ARSJ: variants seen among roughly 807,000 people sequenced by gnomAD.
The protein encoded by ARSJ is arylsulfatase family member J, also known as arylsulfatase J.
ARSJ carries 26 observed loss-of-function variants against 35.9 expected under a neutral mutation model. The ratio of observed to expected loss-of-function variants is 0.72; its 90% CI spans 0.53 to 1.00. ARSJ has a LOEUF of 1.00. Ranked by LOEUF, ARSJ falls within the 50% of genes least tolerant of loss-of-function variation. The probability of loss-of-function intolerance (pLI) is 0.00; values close to 1 mark genes in which losing one functional copy is unlikely to be tolerated. For missense variants in ARSJ, 667 were observed against 723.6 expected (o/e 0.92, Z 0.90); for synonymous variants, 294 against 267.6 (o/e 1.10, Z -0.96).
chr4:113,945,421 A>G (rs1725414803), intron 1 of ARSJ, among the ~76,000 whole-genome samples: 2 of 152,134 alleles, frequency 1.3e-5, no homozygotes, highest in African/African-American at 4.8e-5. Flanking sequence ...TACAAGTGAG[A>G]GCCACCATAC....
intron 1 of ARSJ, among the ~76,000 whole-genome samples, chr4:113,942,638 A>G (rs1725228784): frequency 6.6e-6 from 1 of 152,072 alleles, no homozygotes; most frequent in South Asian, 2.1e-4. Flanking sequence ...AATGTTCTTC[A>G]ATTTCAGCAT....
In ARSJ at chr4:113,901,693, A is replaced by C. The variant is rs2099667109; in HGVS notation, c.*581T>G. ...TCACATGTGAGAAAAACAGCTTTTC[A>C]CAGGAAAAGAAACATATATATATAT... On this transcript the variant is annotated 3_prime_UTR_variant, in exon 2 of 2. Coordinates refer to ENST00000315366, the MANE Select transcript of ARSJ (RefSeq NM_024590.4). The C allele has an allele frequency of 8.0e-6, 1 of 125,594 alleles. No individual in the cohort carries two copies. Among genetic ancestry groups the C allele is most frequent in the Admixed American group, 8.9e-5 (1 of 11,254 alleles). 7.8% of individuals were successfully genotyped at this position (125,594 alleles called of 1,614,324 possible). A position where few individuals can be genotyped will look rare whatever the true frequency, so the allele number is the denominator to read the frequency against.
At chr4:113,965,837 T>A (rs868126733) in intron 1 of ARSJ, among the ~76,000 whole-genome samples, 1 of 152,026 alleles carries the variant, frequency 6.6e-6, no homozygotes, top group Non-Finnish European at 1.5e-5. Context: ...TCAAGTATTT[T>A]AAAAATATCT....
At chr4:113,950,716 C>T (rs1220902034) in intron 1 of ARSJ, among the ~76,000 whole-genome samples, 1 of 152,106 alleles carries the variant, frequency 6.6e-6, no homozygotes, top group African/African-American at 2.4e-5. Context: ...GCCCCTTAAA[C>T]TTATGCTAAA....
chr4:113,917,255 CAT>C (rs1328028321), intron 1 of ARSJ, among the ~76,000 whole-genome samples: 2 of 152,062 alleles, frequency 1.3e-5, no homozygotes, highest in Non-Finnish European at 2.9e-5. Flanking sequence ...TGAGAGGAAT[CAT>C]GTGTCCTCAT....
chr4:113,940,817 T>C (rs1173182529), intron 1 of ARSJ, among the ~76,000 whole-genome samples: 1 of 151,912 alleles, frequency 6.6e-6, no homozygotes. Flanking sequence ...TTTTTTTTCA[T>C]CTTGAATTCA....
At chr4:113,967,376 C>T (rs1006005751) in intron 1 of ARSJ, among the ~76,000 whole-genome samples, 2 of 152,096 alleles carry the variant, frequency 1.3e-5, no homozygotes, top group Non-Finnish European at 2.9e-5. Context: ...AATAAATTCC[C>T]TGAAAATTCA....
intron 1 of ARSJ, among the ~76,000 whole-genome samples, chr4:113,919,008 C>G (rs1175601802): frequency 6.6e-6 from 1 of 152,078 alleles, no homozygotes; most frequent in East Asian, 1.9e-4. Flanking sequence ...CTGATCCTGG[C>G]ATAATTCATG....
At chr4:113,947,191 G>T (rs1725541334) in intron 1 of ARSJ, among the ~76,000 whole-genome samples, 1 of 151,968 alleles carries the variant, frequency 6.6e-6, no homozygotes, top group Non-Finnish European at 1.5e-5. Flanking sequence ...ATTTAAAATT[G>T]AAAAATAGGC....
intron 1 of ARSJ, among the ~76,000 whole-genome samples, chr4:113,930,723 C>T (rs933106241): frequency 6.6e-6 from 1 of 151,134 alleles, no homozygotes; most frequent in Non-Finnish European, 1.5e-5. Context: ...GACACATGCA[C>T]ACGTATGTTT....
At chr4:113,917,500 T>C (rs1325585169) in intron 1 of ARSJ, among the ~76,000 whole-genome samples, 3 of 152,294 alleles carry the variant, frequency 2.0e-5, no homozygotes, top group South Asian at 2.1e-4. Flanking sequence ...TCAGAAGCCA[T>C]ATTAATGCAA....
At chr4:113,928,298 A>T (rs116358236) in intron 1 of ARSJ, among the ~76,000 whole-genome samples, 354 of 152,296 alleles carry the variant, frequency 2.3e-3, no homozygotes, top group African/African-American at 8.2e-3. Context: ...GATTCATTGC[A>T]TAAAATGTCG....
intron 1 of ARSJ, among the ~76,000 whole-genome samples, chr4:113,967,965 A>G (rs1465094809): frequency 1.3e-5 from 2 of 152,204 alleles, no homozygotes; most frequent in Non-Finnish European, 2.9e-5. Context: ...CACTTGGTTT[A>G]ATTATTGCAT....
At chr4:113,934,669 T>C (rs768196608) in intron 1 of ARSJ, among the ~76,000 whole-genome samples, 6 of 151,724 alleles carry the variant, frequency 4.0e-5, no homozygotes, top group South Asian at 2.1e-4. Context: ...GAAGAAAAGA[T>C]GAATATTTAA....
rs376186819 is a variant in ARSJ at position 113,925,564 on chromosome 4, GT to G, written c.399-21890del. 2.6e-4 allele frequency among the ~76,000 whole-genome samples: 40 copies of G among 152,238 alleles called. 1 individual carries two copies. The highest frequency in any genetic ancestry group is 9.4e-4 in the African/African-American group (39 of 41,540). On this transcript the variant is annotated intron_variant, in intron 1 of 1. Transcript: ENST00000315366. ...ACTCCACCATTCTATCAATCCAACT[GT>G]TTCAGGATGATAGGGAACAGGGTAA... is the stretch of plus-strand genomic sequence containing the variant.
At chr4:113,908,700 T>C (rs2099669522) in intron 1 of ARSJ, among the ~76,000 whole-genome samples, 1 of 152,190 alleles carries the variant, frequency 6.6e-6, no homozygotes, top group African/African-American at 2.4e-5. Flanking sequence ...TATGCACGTT[T>C]ACTTATTTAT....
chr4:113,940,501 C>A (rs4326080), intron 1 of ARSJ, among the ~76,000 whole-genome samples: 8 of 151,680 alleles, frequency 5.3e-5, no homozygotes, highest in Admixed American at 1.3e-4. Flanking sequence ...AGTGGGCGGT[C>A]GGGGGAAGGA....
chr4:113,971,169 G>A (rs1162297827), intron 1 of ARSJ, among the ~76,000 whole-genome samples: 1 of 151,922 alleles, frequency 6.6e-6, no homozygotes, highest in Non-Finnish European at 1.5e-5. Flanking sequence ...CAAAAAAGAT[G>A]AAATCAAAAT....
In ARSJ at chr4:113,967,012, T is replaced by C. The variant is rs78247292; in HGVS notation, c.398+11425A>G. Among the ~76,000 whole-genome samples the C allele has an allele frequency of 3.2e-3, 481 of 152,302 alleles. 3 individuals carry two copies. Among genetic ancestry groups the C allele is most frequent in the Admixed American group, 0.016 (242 of 15,292 alleles). On this transcript the variant is annotated intron_variant, in intron 1 of 1. Coordinates refer to ENST00000315366, the MANE Select transcript of ARSJ (RefSeq NM_024590.4). ...GGACAATGACCTAGTGATTATTTTC[T>C]GGCATGTCTCCCTACGAGGCTCAGT...
Sources: gnomAD v4.1 joint callset for allele counts (sites outside exome capture counted in the v4.1 genomes callset) on GRCh38, gnomAD v4.1.1 for gene constraint, MANE v1.5 for transcripts, NCBI Gene and HGNC (gene_info 2026-07-23, HGNC 2026-07-21) for gene names.